The following SRSF11 variants were observed in gnomAD, a reference collection of about 807,000 sequenced individuals.
SRSF11 encodes the protein serine and arginine rich splicing factor 11.
SRSF11 carries 9 observed loss-of-function variants against 56.0 expected under a neutral mutation model. That is an observed-to-expected ratio of 0.16 (90% CI 0.10 to 0.28). The LOEUF is 0.28. Ranked by LOEUF, SRSF11 falls within the 10% of genes least tolerant of loss-of-function variation. The probability of loss-of-function intolerance (pLI) is 1.00; values close to 1 mark genes in which losing one functional copy is unlikely to be tolerated. For synonymous variants in SRSF11, 222 were observed against 215.3 expected (o/e 1.03, Z -0.27); for missense variants, 421 against 600.7 (o/e 0.70, Z 3.13).
At chr1:70,206,155 A>G (rs1041540421) in intron 1 of SRSF11, among the ~76,000 whole-genome samples, 6 of 152,248 alleles carry the variant, frequency 3.9e-5, no homozygotes, top group Non-Finnish European at 7.3e-5. Flanking sequence ...TAGAAGACAA[A>G]AACAAAAATC....
At chr1:70,225,568 G>A (rs1313322936) in intron 1 of SRSF11, among the ~76,000 whole-genome samples, 1 of 152,150 alleles carries the variant, frequency 6.6e-6, no homozygotes, top group Non-Finnish European at 1.5e-5. Flanking sequence ...TCGTACGTTA[G>A]TAGGCATGAA....
At chr1:70,211,308 A>T (rs1223790507) in intron 1 of SRSF11, among the ~76,000 whole-genome samples, 1 of 152,152 alleles carries the variant, frequency 6.6e-6, no homozygotes, top group African/African-American at 2.4e-5. Context: ...CACTATTTTA[A>T]AATTTGACTT....
At chr1:70,212,000 CT>C (rs1380700299) in intron 1 of SRSF11, among the ~76,000 whole-genome samples, 3 of 152,156 alleles carry the variant, frequency 2.0e-5, no homozygotes, top group African/African-American at 7.2e-5. Context: ...TCTCCAAGTG[CT>C]TTAGACTTCA....
chr1:70,238,234 A>AGTTACATG (rs1372921804), intron 6 of SRSF11, among the ~76,000 whole-genome samples: 1 of 152,220 alleles, frequency 6.6e-6, no homozygotes, highest in East Asian at 1.9e-4. Context: ...AATTAGCCAC[A>AGTTACATG]GTTACATGGC....
At chr1:70,213,886 A>C (rs1309156141) in intron 1 of SRSF11, among the ~76,000 whole-genome samples, 1 of 152,086 alleles carries the variant, frequency 6.6e-6, no homozygotes, top group Non-Finnish European at 1.5e-5. Context: ...TCACTCTAGC[A>C]CCTTTTAAGT....
In SRSF11 at chr1:70,221,893, AAC is replaced by A. The variant is rs376299598; in HGVS notation, c.203+62_203+63del. The A allele has an allele frequency of 4.7e-5, 76 of 1,603,724 alleles. No individual in the cohort carries two copies. In the African/African-American group the frequency reaches 7.6e-4, roughly 16 times the overall value. On this transcript the variant is annotated intron_variant, in intron 1 of 11. Coordinates refer to ENST00000370949, the MANE Select transcript of SRSF11 (RefSeq NM_001350605.2). ...GCTAACGCCGCCTCAGCCTGGGCCT[AAC>A]ACACACAATTTCCTTAGGCCCCTGT...
Position 70,250,056 on chromosome 1 carries a change from G to GATT in SRSF11, c.1118+9_1118+10insATT. 4 of 1,595,734 alleles carry GATT rather than the reference G, an allele frequency of 2.5e-6. No individual in the cohort carries two copies. The highest frequency in any genetic ancestry group is 3.4e-6 in the Non-Finnish European group (4 of 1,166,090). On this transcript the variant is annotated intron_variant, in intron 10 of 11. Coordinates refer to ENST00000370949, the MANE Select transcript of SRSF11 (RefSeq NM_001350605.2). Reference sequence around the variant, plus strand: ...TCACCATCCCCTAGGAGGTAAGAATGTTAATCATTTAAATGTATTTTTTAT... The same window carrying GATT: ...TCACCATCCCCTAGGAGGTAAGAATGATTTTAATCATTTAAATGTATTTTTTAT...
chr1:70,221,351 G>T, upstream of SRSF11: 1 of 423,636 alleles, frequency 2.4e-6, no homozygotes, highest in Non-Finnish European at 4.2e-6. Context: ...GCCCTGCGCC[G>T]CAAAGCATTG....
At chr1:70,210,156 C>T (rs941923171) in intron 1 of SRSF11, among the ~76,000 whole-genome samples, 1 of 151,590 alleles carries the variant, frequency 6.6e-6, no homozygotes, top group African/African-American at 2.4e-5. Flanking sequence ...TTTCTGCTCC[C>T]GCCCCCCTTT....
Position 70,234,640 on chromosome 1 carries a change from C to T in SRSF11, c.448-56C>T, listed in dbSNP as rs1673554478. ...CCTTTACATTAAAAAAGTATTAACC[C>T]CTGGTATAAGGAACTGAAATGAAGT... is the stretch of plus-strand genomic sequence containing the variant. On this transcript the variant is annotated intron_variant, in intron 3 of 11. Transcript: ENST00000370949. 3.5e-6 allele frequency: 5 copies of T among 1,409,100 alleles called. No homozygotes were observed. The East Asian group carries it at 9.3e-5, about 26-fold the overall frequency. The allele number at this position is 1,409,100 out of a possible 1,614,324, so 87.3% of individuals were successfully genotyped here.
At chr1:70,223,466 T>G (rs964717184) in intron 1 of SRSF11, among the ~76,000 whole-genome samples, 2 of 152,200 alleles carry the variant, frequency 1.3e-5, no homozygotes, top group Non-Finnish European at 2.9e-5. Flanking sequence ...AATGAATAGT[T>G]CCTTCATAAC....
intron 7 of SRSF11, among the ~76,000 whole-genome samples, chr1:70,243,759 G>C (rs1387828644): frequency 6.6e-6 from 1 of 152,156 alleles, no homozygotes; most frequent in Non-Finnish European, 1.5e-5. Context: ...TTTTAAAATA[G>C]AAGAGAATGG....
At chr1:70,247,167 TAGTTTA>T in intron 9 of SRSF11, 1 of 956,140 alleles carries the variant, frequency 1.0e-6, no homozygotes, top group Non-Finnish European at 1.3e-6. Flanking sequence ...TTTCTCTTTA[TAGTTTA>T]AGTTTTAATG....
chr1:70,212,621 G>C (rs1214270568), intron 1 of SRSF11, among the ~76,000 whole-genome samples: 2 of 152,150 alleles, frequency 1.3e-5, no homozygotes, highest in Admixed American at 6.5e-5. Context: ...TGTCATGTTT[G>C]TATTGCAGTA....
rs1438797431 is a variant in SRSF11, at chr1:70,234,688, T to C, written c.448-8T>C. ...AGTTTTAAATAAATAAAATTTGCCA[T>C]TTCACAGATTGGCGCTGTTCCACTG... is the stretch of plus-strand genomic sequence containing the variant. On this transcript the variant is annotated splice_polypyrimidine_tract_variant and splice_region_variant and intron_variant, in intron 3 of 11. Coordinates refer to ENST00000370949, the MANE Select transcript of SRSF11 (RefSeq NM_001350605.2). The C allele has an allele frequency of 1.2e-5, 19 of 1,585,350 alleles. No homozygotes were observed. Among genetic ancestry groups the C allele is most frequent in the Non-Finnish European group, 1.6e-5 (19 of 1,171,528 alleles).
At chr1:70,243,336 CAAAAAAAAAAAAAAAAAAAAAAAAA>C (rs56098296) in intron 7 of SRSF11, among the ~76,000 whole-genome samples, 2 of 32,596 alleles carry the variant, frequency 6.1e-5, no homozygotes, top group South Asian at 2.1e-3. Context: ...TGGTTGGTGG[CAAAAAAAAAAAAAAAAAAAAAAAAA>C]AAAAAAAAAA....
intron 1 of SRSF11, among the ~76,000 whole-genome samples, chr1:70,207,807 C>G (rs1669190171): frequency 6.6e-6 from 1 of 151,674 alleles, no homozygotes; most frequent in African/African-American, 2.4e-5. Flanking sequence ...CTCACTGCAA[C>G]CTCGAAATCC....
intron 2 of SRSF11, chr1:70,231,761 A>G: frequency 1.6e-6 from 2 of 1,259,588 alleles, no homozygotes; most frequent in Non-Finnish European, 2.1e-6. Context: ...TTTGTATGGT[A>G]GGTGTAAAAG....
chr1:70,236,792 ATTTTTTTTTTT>A (rs35602423), intron 5 of SRSF11, among the ~76,000 whole-genome samples: 86 of 83,782 alleles, frequency 1.0e-3, no homozygotes, highest in African/African-American at 3.2e-3. Flanking sequence ...TATGTCATAA[ATTTTTTTTTTT>A]TTTTTTTTTT....
Sources: gnomAD v4.1 joint callset for allele counts (sites outside exome capture counted in the v4.1 genomes callset) on GRCh38, gnomAD v4.1.1 for gene constraint, MANE v1.5 for transcripts, NCBI Gene and HGNC (gene_info 2026-07-23, HGNC 2026-07-21) for gene names.